The following SLC9A8 variants were observed in gnomAD, a reference collection of about 807,000 sequenced individuals.
SLC9A8 encodes the protein solute carrier family 9 member A8, also known as sodium/hydrogen exchanger 8.
SLC9A8 carries 48 observed loss-of-function variants against 66.6 expected under a neutral mutation model. That is an observed-to-expected ratio of 0.72 (90% confidence interval 0.57 to 0.92). The LOEUF is 0.92. Among genes scored for constraint, SLC9A8 ranks in the 40% least tolerant of loss-of-function variants. The probability of loss-of-function intolerance (pLI) is 0.00; values close to 1 mark genes in which losing one functional copy is unlikely to be tolerated. For synonymous variants in SLC9A8, 274 were observed against 282.6 expected (o/e 0.97, Z 0.31); for missense variants, 599 against 747.3 (o/e 0.80, Z 2.31).
At chr20:49,822,493 A>T (rs2146464901) in intron 2 of SLC9A8, among the ~76,000 whole-genome samples, 1 of 152,342 alleles carries the variant, frequency 6.6e-6, no homozygotes, top group South Asian at 2.1e-4. Context: ...ATATAAAAAA[A>T]TAGGTTTCTG....
chr20:49,885,791 C>A (rs2089867265), intron 14 of SLC9A8, among the ~76,000 whole-genome samples: 1 of 152,164 alleles, frequency 6.6e-6, no homozygotes, highest in African/African-American at 2.4e-5. Flanking sequence ...GCCGAGGCAC[C>A]AAGAGAATCA....
rs757290882 is a variant in SLC9A8 at position 49,861,734 on chromosome 20, T to G, written c.714-1195T>G. Among the ~76,000 whole-genome samples the G allele has an allele frequency of 8.5e-5, 13 of 152,196 alleles. No homozygotes were observed. In the South Asian group the frequency reaches 1.2e-3, roughly 15 times the overall value. On this transcript the variant is annotated intron_variant, in intron 8 of 15. Coordinates refer to ENST00000361573, the MANE Select transcript of SLC9A8 (RefSeq NM_015266.3). ...AATGAGAATAACTCGATGTTCATGG[T>G]GTAATGGTTTTATCTTTAAGGACAA...
In SLC9A8 at chr20:49,888,091, C is replaced by G; in HGVS notation, c.*155C>G. 1.7e-6 allele frequency: 1 copy of G among 588,576 alleles called. No homozygotes were observed. Among genetic ancestry groups the G allele is most frequent in the Non-Finnish European group, 3.0e-6 (1 of 331,132 alleles). 36.5% of individuals were successfully genotyped at this position (588,576 alleles called of 1,614,324 possible). ...TACTGGCTGCAGAGTCGCCTTAGTC[C>G]AGAACCTGACAGGCCTCTGGAGCCA... On this transcript the variant is annotated 3_prime_UTR_variant, in exon 16 of 16. Coordinates refer to ENST00000361573, the MANE Select transcript of SLC9A8 (RefSeq NM_015266.3).
Position 49,863,048 on chromosome 20 carries a change from C to T in SLC9A8, c.833C>T (p.Thr278Ile). Residue 278 changes from threonine (T) to isoleucine (I), a missense_variant, in exon 9 of 16, where the codon ACT becomes ATT. Physicochemically the swap from Thr to Ile is moderately conservative, Grantham distance 89. Around this residue, in one of 2 missense-constraint regions of SLC9A8, gnomAD observed 467 missense variants for 626.5 expected, o/e 0.75. Transcript: ENST00000361573. ...FFGSAALGTL[T>I]GLISALVLKH... ...GGCTCTGCAGCGCTCGGCACTCTCA[C>T]TGGCTTAATTTCTGCATTAATATCC... 1.9e-6 allele frequency: 3 copies of T among 1,613,332 alleles called. No individual in the cohort carries two copies. Among genetic ancestry groups the T allele is most frequent in the Non-Finnish European group, 2.5e-6 (3 of 1,179,738 alleles).
At chr20:49,846,147 G>A (rs1313592020) in intron 5 of SLC9A8, among the ~76,000 whole-genome samples, 5 of 152,162 alleles carry the variant, frequency 3.3e-5, no homozygotes, top group Non-Finnish European at 7.3e-5. Context: ...CCCCTAGTGT[G>A]AGTCTTTCTG....
At chr20:49,848,109 A>C (rs1183865012) in intron 5 of SLC9A8, among the ~76,000 whole-genome samples, 3 of 151,898 alleles carry the variant, frequency 2.0e-5, no homozygotes, top group Non-Finnish European at 4.4e-5. Flanking sequence ...TTTTTAGCAG[A>C]GATGGGGTTT....
intron 10 of SLC9A8, among the ~76,000 whole-genome samples, chr20:49,869,289 G>A (rs182511401): frequency 2.0e-5 from 3 of 152,094 alleles, no homozygotes; most frequent in East Asian, 2.0e-4. Context: ...GTGCCATCTC[G>A]GCTCACTGCG....
At chr20:49,862,406 C>T (rs1038026935) in intron 8 of SLC9A8, among the ~76,000 whole-genome samples, 4 of 152,110 alleles carry the variant, frequency 2.6e-5, no homozygotes, top group African/African-American at 7.2e-5. Flanking sequence ...GGATTACAGG[C>T]GTGCACCACC....
chr20:49,876,726 T>G (rs2089440941), intron 11 of SLC9A8, among the ~76,000 whole-genome samples: 1 of 152,168 alleles, frequency 6.6e-6, no homozygotes, highest in Non-Finnish European at 1.5e-5. Flanking sequence ...TGTGGCAAAG[T>G]GGCAGAAATT....
At chr20:49,885,997 GC>G (rs1158696699) in intron 14 of SLC9A8, among the ~76,000 whole-genome samples, 1 of 152,140 alleles carries the variant, frequency 6.6e-6, no homozygotes, top group Non-Finnish European at 1.5e-5. Flanking sequence ...GGTTTCACAG[GC>G]CCCCCAGGTA....
At chr20:49,887,489 TGAG>T (rs1278595164) in intron 15 of SLC9A8, among the ~76,000 whole-genome samples, 1 of 152,178 alleles carries the variant, frequency 6.6e-6, no homozygotes, top group African/African-American at 2.4e-5. Flanking sequence ...CCCTGACAGC[TGAG>T]GAGATGGAGG....
At chr20:49,841,646 A>G (rs934373035) in intron 4 of SLC9A8, among the ~76,000 whole-genome samples, 1 of 152,064 alleles carries the variant, frequency 6.6e-6, no homozygotes, top group Non-Finnish European at 1.5e-5. Context: ...GCTAGAGTGC[A>G]GTGGCACGAT....
chr20:49,813,876 G>A (rs2086450469), intron 1 of SLC9A8, among the ~76,000 whole-genome samples: 2 of 152,202 alleles, frequency 1.3e-5, no homozygotes, highest in Middle Eastern at 3.4e-3. Flanking sequence ...CTGGACAAGG[G>A]GAGATGGGGA....
At chr20:49,831,232 A>T (rs1318555736) in intron 3 of SLC9A8, 1 of 351,204 alleles carries the variant, frequency 2.8e-6, no homozygotes, top group Non-Finnish European at 5.4e-6. Flanking sequence ...CCATCAGCAC[A>T]GCACACAGCA....
rs1424486650 is a variant in SLC9A8, at chr20:49,891,710, G to A, written c.*3774G>A. 1 of 152,292 alleles carries A rather than the reference G, an allele frequency of 6.6e-6. No individual in the cohort carries two copies. The highest frequency in any genetic ancestry group is 1.5e-5 in the Non-Finnish European group (1 of 68,100). The allele number at this position is 152,292 out of a possible 1,614,324, so 9.4% of individuals were successfully genotyped here. ...TTGGATGGGAAGATGTGCATCCGTG[G>A]TCAAAAGTCAGCTGCCAGCCCTGCG... On this transcript the variant is annotated 3_prime_UTR_variant, in exon 16 of 16. Coordinates refer to ENST00000361573, the MANE Select transcript of SLC9A8 (RefSeq NM_015266.3).
intron 4 of SLC9A8, 64 bp downstream of exon 4, chr20:49,839,663 A>AATTACTTGGCTATCAGTGGAGTT (rs1373580398): frequency 3.9e-6 from 4 of 1,033,620 alleles, no homozygotes; most frequent in Non-Finnish European, 5.9e-6. Context: ...GCTTTTTTGT[A>AATTACTTGGCTATCAGTGGAGTT]ATTACTTGGC....
intron 4 of SLC9A8, among the ~76,000 whole-genome samples, chr20:49,844,526 G>C (rs1036033785): frequency 6.7e-6 from 1 of 149,956 alleles, no homozygotes; most frequent in African/African-American, 2.4e-5. Context: ...GCTCATGCCT[G>C]TAATCCCAGC....
chr20:49,858,935 G>A (rs1458677793), intron 8 of SLC9A8, among the ~76,000 whole-genome samples: 2 of 150,544 alleles, frequency 1.3e-5, no homozygotes, highest in Non-Finnish European at 3.0e-5. Flanking sequence ...TCCAGCCAGA[G>A]CGACAGAGCA....
At chr20:49,852,931 G>T (rs752994374) in intron 7 of SLC9A8, among the ~76,000 whole-genome samples, 10 of 152,030 alleles carry the variant, frequency 6.6e-5, no homozygotes, top group Non-Finnish European at 1.2e-4. Flanking sequence ...AGGTCCTGAC[G>T]ACATGTACCC....
Sources: allele counts gnomAD v4.1 joint callset (sites outside exome capture counted in the v4.1 genomes callset), GRCh38; gene constraint gnomAD v4.1.1; regional missense constraint gnomAD v4.1.1; transcripts MANE v1.5; gene names NCBI Gene and HGNC (gene_info 2026-07-23, HGNC 2026-07-21).